GPC3: variants seen among roughly 807,000 people sequenced by gnomAD.
The protein encoded by GPC3 is glypican 3.
Under a neutral mutation model 34.4 loss-of-function variants are expected in GPC3, and 3 were observed. The observed-to-expected ratio is 0.09, with a 90% CI of 0.04 to 0.23. GPC3 has a LOEUF of 0.23. Ranked by LOEUF, GPC3 falls within the 10% of genes least tolerant of loss-of-function variation. GPC3 has a pLI of 1.00. For missense variants in GPC3, 351 were observed against 445.6 expected, an observed-to-expected ratio of 0.79 and a Z score of 1.91; for synonymous variants, 177 against 174.0, an observed-to-expected ratio of 1.02 and a Z score of -0.13.
At chrX:133,733,686 A>C (rs2071483419) in intron 3 of GPC3, among the ~76,000 whole-genome samples, 1 of 111,272 alleles carries the variant, frequency 9.0e-6, no homozygotes, top group African/African-American at 3.3e-5. Flanking sequence ...AAATTACTAT[A>C]ATCAGGAATG....
At chrX:133,632,728 G>A (rs1358656199) in intron 6 of GPC3, among the ~76,000 whole-genome samples, 1 of 111,417 alleles carries the variant, frequency 9.0e-6, no homozygotes, top group Non-Finnish European at 1.9e-5. Context: ...TGTTCTTTCT[G>A]TGTGAACATG....
chrX:133,642,432 T>C (rs1310581148), intron 6 of GPC3, among the ~76,000 whole-genome samples: 4 of 111,059 alleles, frequency 3.6e-5, no homozygotes, highest in African/African-American at 6.5e-5. Flanking sequence ...CTAAAATCAC[T>C]AGCTTCTCGA....
intron 2 of GPC3, among the ~76,000 whole-genome samples, chrX:133,848,815 A>G (rs2075858178): frequency 9.0e-6 from 1 of 111,125 alleles, no homozygotes; most frequent in African/African-American, 3.3e-5. Context: ...GAGGAAGGGA[A>G]TAAAGGAAAG....
At chrX:133,728,945 T>G (rs1477967454) in intron 3 of GPC3, among the ~76,000 whole-genome samples, 1 of 111,983 alleles carries the variant, frequency 8.9e-6, no homozygotes, top group African/African-American at 3.2e-5. Flanking sequence ...TACACTTTTA[T>G]AGAAAACAGT....
chrX:133,756,730 A>G (rs2071728719), intron 2 of GPC3, among the ~76,000 whole-genome samples: 1 of 112,629 alleles, frequency 8.9e-6, no homozygotes, highest in Non-Finnish European at 1.9e-5. Context: ...GTTGCAGGGG[A>G]AAAGGGCTAG....
intron 7 of GPC3, among the ~76,000 whole-genome samples, chrX:133,564,683 C>G (rs898137201): frequency 9.0e-6 from 1 of 111,731 alleles, no homozygotes; most frequent in African/African-American, 3.3e-5. Context: ...AACAAAATTG[C>G]TGTAAGGATA....
At chrX:133,933,310 A>G (rs755008804) in intron 2 of GPC3, among the ~76,000 whole-genome samples, 1 of 110,467 alleles carries the variant, frequency 9.1e-6, no homozygotes, top group African/African-American at 3.3e-5. Flanking sequence ...ACAATGAGCA[A>G]GGGAACATGG....
chrX:133,796,904 T>C (rs367799703), intron 2 of GPC3, among the ~76,000 whole-genome samples: 2 of 111,267 alleles, frequency 1.8e-5, no homozygotes, highest in Admixed American at 9.6e-5. Flanking sequence ...TCTCCTAACC[T>C]AAGGAAGCTC....
At chrX:133,916,744 T>C (rs2076226820) in intron 2 of GPC3, among the ~76,000 whole-genome samples, 2 of 111,296 alleles carry the variant, frequency 1.8e-5, no homozygotes, top group African/African-American at 3.3e-5. Context: ...CCAAGTGTGA[T>C]GGCACATGCC....
intron 2 of GPC3, among the ~76,000 whole-genome samples, chrX:133,935,220 T>C (rs1258326918): frequency 1.8e-5 from 2 of 111,909 alleles, no homozygotes; most frequent in East Asian, 2.8e-4. Flanking sequence ...TTTCCTGCTA[T>C]GCTGGTAATC....
chrX:133,773,160 G>A (rs1439803609), intron 2 of GPC3, among the ~76,000 whole-genome samples: 1 of 111,469 alleles, frequency 9.0e-6, no homozygotes, highest in Non-Finnish European at 1.9e-5. Flanking sequence ...CTGAGTTTGA[G>A]ATTCTCCTGC....
intron 6 of GPC3, among the ~76,000 whole-genome samples, chrX:133,601,774 T>C (rs2069984210): frequency 8.9e-6 from 1 of 111,906 alleles, no homozygotes; most frequent in South Asian, 3.7e-4. Context: ...ACCAGGATGC[T>C]TATTAAAAAA....
At chrX:133,569,696 A>G (rs1274386499) in intron 7 of GPC3, among the ~76,000 whole-genome samples, 4 of 112,086 alleles carry the variant, frequency 3.6e-5, no homozygotes. Context: ...GTTGGTATCT[A>G]TTTTACAGTT....
chrX:133,957,567 T>C (rs780466763), intron 1 of GPC3, among the ~76,000 whole-genome samples: 1 of 112,364 alleles, frequency 8.9e-6, no homozygotes, highest in Admixed American at 9.5e-5. Flanking sequence ...AGAATTAACC[T>C]GGGAACTGAA....
chrX:133,801,704 A>C (rs1180005761), intron 2 of GPC3, among the ~76,000 whole-genome samples: 2 of 112,317 alleles, frequency 1.8e-5, no homozygotes, highest in Non-Finnish European at 3.8e-5. Context: ...ATACAACAAG[A>C]CATGTATCAG....
chrX:133,927,877 TTATA>T (rs969946509), intron 2 of GPC3, among the ~76,000 whole-genome samples: 3 of 106,602 alleles, frequency 2.8e-5, no homozygotes, highest in African/African-American at 1.0e-4. Context: ...TATATATATA[TTATA>T]TATATATATT....
chrX:133,730,201 A>G (rs7877771), intron 3 of GPC3, among the ~76,000 whole-genome samples: 5,998 of 111,685 alleles, frequency 0.054, 421 homozygotes, highest in African/African-American at 0.18. Flanking sequence ...TAAAAAAACA[A>G]TGATTTGCAT....
At chrX:133,693,455 C>G (rs1163745356) in intron 4 of GPC3, among the ~76,000 whole-genome samples, 1 of 111,572 alleles carries the variant, frequency 9.0e-6, no homozygotes, top group Non-Finnish European at 1.9e-5. Flanking sequence ...TTTTCTAAAG[C>G]AATGTTACTG....
chrX:133,855,352 A>G (rs2075895249), intron 2 of GPC3, among the ~76,000 whole-genome samples: 2 of 109,709 alleles, frequency 1.8e-5, no homozygotes, highest in Admixed American at 1.9e-4. Flanking sequence ...TTTTTTGTAG[A>G]GATGAGGTCT....
Sources: allele counts gnomAD v4.1 joint callset (sites outside exome capture counted in the v4.1 genomes callset), GRCh38; gene constraint gnomAD v4.1.1; transcripts MANE v1.5; gene names NCBI Gene and HGNC (gene_info 2026-07-23, HGNC 2026-07-21).